The following SLC22A16 variants were observed in gnomAD, a reference collection of about 807,000 sequenced individuals.
SLC22A16 encodes WUGSC:RG331P03.1.
In SLC22A16, 53 loss-of-function variants were observed where a neutral mutation model predicts 52.9. The observed-to-expected ratio is 1.00, with a 90% CI of 0.80 to 1.26. SLC22A16 has a LOEUF of 1.26. SLC22A16 is among the 50% of genes most tolerant of loss of function. The probability of loss-of-function intolerance (pLI) is 0.00; values close to 1 mark genes in which losing one functional copy is unlikely to be tolerated. For missense variants in SLC22A16, 726 were observed against 704.0 expected (o/e 1.03, Z -0.35); for synonymous variants, 291 against 268.8 (o/e 1.08, Z -0.81).
intron 6 of SLC22A16, among the ~76,000 whole-genome samples, chr6:110,435,150 G>A (rs1419485525): frequency 1.3e-5 from 2 of 152,072 alleles, no homozygotes; most frequent in Non-Finnish European, 2.9e-5. Flanking sequence ...TGATGTTATG[G>A]GCTAAGTTGT....
chr6:110,476,511 C>CCCT lies in SLC22A16; in HGVS notation c.53+10_53+11insAGG. ...CCTCCCGCGTGGCGCCGCGGGGCCC[C>CCCT]TCCCCCATACCTGCCGAAGTGCCCC... On this transcript the variant is annotated intron_variant, in intron 1 of 7. Coordinates refer to ENST00000368919, the MANE Select transcript of SLC22A16 (RefSeq NM_033125.4). The CCCT allele has an allele frequency of 1.6e-6, 1 of 607,218 alleles. No homozygotes were observed. 37.6% of individuals were successfully genotyped at this position (607,218 alleles called of 1,614,324 possible). A position where few individuals can be genotyped will look rare whatever the true frequency, so the allele number is the denominator to read the frequency against.
At chr6:110,458,004 A>ATGC in intron 1 of SLC22A16, among the ~76,000 whole-genome samples, 1 of 152,254 alleles carries the variant, frequency 6.6e-6, no homozygotes, top group Admixed American at 6.5e-5. Flanking sequence ...TCTCCCTGTG[A>ATGC]TGCTGTGCTT....
rs1774185301 is a variant in SLC22A16, at chr6:110,424,865, T to C, written c.*8A>G. On this transcript the variant is annotated 3_prime_UTR_variant, in exon 8 of 8. Coordinates refer to ENST00000368919, the MANE Select transcript of SLC22A16 (RefSeq NM_033125.4). ...TATTTCAGGTGCTAGACAGCAGGCA[T>C]GGCACATTTATTCACCAAGACCAGA... 2 of 1,614,058 alleles carry C rather than the reference T, an allele frequency of 1.2e-6. No individual in the cohort carries two copies. The highest frequency in any genetic ancestry group is 2.7e-5 in the African/African-American group (2 of 74,926).
chr6:110,430,229 G>A (rs188713279), intron 7 of SLC22A16, among the ~76,000 whole-genome samples: 11 of 152,096 alleles, frequency 7.2e-5, no homozygotes, highest in African/African-American at 1.4e-4. Context: ...ATAAGAAGCC[G>A]ATGCCACAGT....
chr6:110,466,916 G>GAT (rs1466720593), intron 1 of SLC22A16, among the ~76,000 whole-genome samples: 1 of 58,588 alleles, frequency 1.7e-5, no homozygotes, highest in East Asian at 3.4e-4. Context: ...AAATGTGATA[G>GAT]ATAGATAGAT....
chr6:110,464,469 C>T (rs2115013980), intron 1 of SLC22A16, among the ~76,000 whole-genome samples: 1 of 152,030 alleles, frequency 6.6e-6, no homozygotes, highest in East Asian at 1.9e-4. Context: ...AGTAACATTA[C>T]AACTGATAAC....
chr6:110,476,611 T>C lies in SLC22A16; in HGVS notation c.-37A>G. On this transcript the variant is annotated 5_prime_UTR_variant, in exon 1 of 8. Transcript: ENST00000368919. ...GCACTGGGCGCCGAGTTAGCCGAGC[T>C]CCGGGGACTGCGGGTAGCGCGCCCC... is the stretch of plus-strand genomic sequence containing the variant. 6.6e-7 allele frequency: 1 copy of C among 1,514,178 alleles called. No homozygotes were observed. Among genetic ancestry groups the C allele is most frequent in the Non-Finnish European group, 8.8e-7 (1 of 1,131,928 alleles). 93.8% of individuals were successfully genotyped at this position (1,514,178 alleles called of 1,614,324 possible).
Position 110,425,005 on chromosome 6 carries a change from A to G in SLC22A16, c.1602T>C (p.Thr534=). The change falls in exon 8 of 8, where the codon ACT becomes ACC. Residue 534 remains threonine (T), a synonymous_variant. Coordinates refer to ENST00000368919, the MANE Select transcript of SLC22A16 (RefSeq NM_033125.4). ...CCAGTTTTGCAGCCTCCTCCCAAGTAGTTGCTAGCCGTTTCCCAAGGGTTT... is the reference window on the plus strand; with the variant it reads ...CCAGTTTTGCAGCCTCCTCCCAAGTGGTTGCTAGCCGTTTCCCAAGGGTTT... ...LPETLGKRLA[T]TWEEAAKLES... 6.2e-7 allele frequency: 1 copy of G among 1,614,176 alleles called. No individual in the cohort carries two copies. The highest frequency in any genetic ancestry group is 8.5e-7 in the Non-Finnish European group (1 of 1,180,042).
Position 110,425,028 on chromosome 6 carries a change from T to C in SLC22A16, c.1579A>G (p.Thr527Ala). ...SGVLTLKLPE[T>A]LGKRLATTWE... Reference sequence around the variant, plus strand: ...GTAGTTGCTAGCCGTTTCCCAAGGGTTTCTGGAAGCTTTAGTGTTAACACT... The same window carrying C: ...GTAGTTGCTAGCCGTTTCCCAAGGGCTTCTGGAAGCTTTAGTGTTAACACT... The change falls in exon 8 of 8, where the codon ACC becomes GCC. Residue 527 changes from threonine to alanine, a missense_variant. By Grantham distance (58) the Thr-to-Ala change is moderately conservative. Transcript: ENST00000368919. The C allele has an allele frequency of 6.2e-7, 1 of 1,614,156 alleles. No individual in the cohort carries two copies.
rs374967135 is a variant in SLC22A16, at chr6:110,438,812, T to G, written c.1219A>C (p.Ile407Leu). The part of the protein sequence containing the change: ...VEIPAYTFVC[I>L]AMDKVGRRTV... ...CTCCTCCCGACCTTGTCCATGGCGA[T>G]GCACACGAAGGTGTAGGCGGGAATT... The change falls in exon 5 of 8, where the codon ATC becomes CTC. Residue 407 changes from isoleucine to leucine, a missense_variant. Coordinates refer to ENST00000368919, the MANE Select transcript of SLC22A16 (RefSeq NM_033125.4). The G allele has an allele frequency of 4.0e-5, 65 of 1,614,058 alleles. No individual in the cohort carries two copies. The highest frequency in any genetic ancestry group is 3.0e-4 in the Admixed American group (18 of 60,008).
chr6:110,431,394 T>A, intron 6 of SLC22A16, 124 bp from the exon 7 acceptor site: 1 of 751,316 alleles, frequency 1.3e-6, no homozygotes. Context: ...GGCAGCGCAT[T>A]ACAACGTTTC....
chr6:110,459,359 C>T (rs1192589351), intron 1 of SLC22A16, among the ~76,000 whole-genome samples: 1 of 152,196 alleles, frequency 6.6e-6, no homozygotes, highest in Non-Finnish European at 1.5e-5. Flanking sequence ...TGTGGATATG[C>T]TGTATCCCTC....
intron 1 of SLC22A16, among the ~76,000 whole-genome samples, chr6:110,470,065 A>G (rs986015933): frequency 6.6e-6 from 1 of 152,182 alleles, no homozygotes; most frequent in African/African-American, 2.4e-5. Flanking sequence ...TTTTTAACTA[A>G]AGGAGTATTC....
intron 1 of SLC22A16, among the ~76,000 whole-genome samples, chr6:110,469,255 G>T (rs528679592): frequency 6.6e-6 from 1 of 152,142 alleles, no homozygotes; most frequent in African/African-American, 2.4e-5. Flanking sequence ...TAGGCCGGGC[G>T]CAGTGGCTCA....
intron 3 of SLC22A16, among the ~76,000 whole-genome samples, chr6:110,444,869 C>T (rs1040916557): frequency 1.3e-5 from 2 of 152,194 alleles, no homozygotes; most frequent in African/African-American, 4.8e-5. Flanking sequence ...ATTGTGATAA[C>T]TTTCAAATAC....
At chr6:110,431,524 A>G (rs1774504964) in intron 6 of SLC22A16, among the ~76,000 whole-genome samples, 1 of 152,228 alleles carries the variant, frequency 6.6e-6, no homozygotes, top group Non-Finnish European at 1.5e-5. Context: ...TGCAGTATTC[A>G]GTGCAGTAAC....
At chr6:110,472,971 C>A (rs1428729582) in intron 1 of SLC22A16, among the ~76,000 whole-genome samples, 1 of 152,172 alleles carries the variant, frequency 6.6e-6, no homozygotes, top group African/African-American at 2.4e-5. Context: ...TGGCTAAGAG[C>A]ATGGACTCTG....
intron 2 of SLC22A16, among the ~76,000 whole-genome samples, chr6:110,451,393 A>G (rs1207270700): frequency 1.3e-5 from 2 of 152,160 alleles, no homozygotes; most frequent in African/African-American, 2.4e-5. Flanking sequence ...GGTTAACCCA[A>G]TTTGGATTCT....
At chr6:110,441,569 C>A (rs113985521) in intron 4 of SLC22A16, among the ~76,000 whole-genome samples, 6 of 152,292 alleles carry the variant, frequency 3.9e-5, no homozygotes, top group African/African-American at 1.4e-4. Flanking sequence ...ATGCTCAAGG[C>A]ATTTTGCTTG....
Sources: gnomAD v4.1 joint callset for allele counts (sites outside exome capture counted in the v4.1 genomes callset) on GRCh38, gnomAD v4.1.1 for gene constraint, MANE v1.5 for transcripts, NCBI Gene and HGNC (gene_info 2026-07-23, HGNC 2026-07-21) for gene names.